Variants in PRDM12 observed in about 807,000 individuals in gnomAD.
PRDM12 encodes the protein PR domain zinc finger protein 12.
PRDM12 carries 17 observed loss-of-function variants against 29.6 expected under a neutral mutation model. The observed-to-expected ratio is 0.57, with a 90% confidence interval of 0.39 to 0.86. The LOEUF (loss-of-function observed/expected upper bound fraction) is 0.86, where lower values mean the gene tolerates loss of function less well. PRDM12 is among the 40% of genes least tolerant of loss of function. PRDM12 has a pLI of 0.00. For synonymous variants in PRDM12, 231 were observed against 225.8 expected (o/e 1.02, Z -0.21); for missense variants, 422 against 510.8 (o/e 0.83, Z 1.68).
intron 3 of PRDM12, among the ~76,000 whole-genome samples, chr9:130,678,166 G>A (rs564895835): frequency 1.3e-5 from 2 of 152,082 alleles, no homozygotes; most frequent in South Asian, 4.2e-4. Context: ...CTGCAGCCCT[G>A]GGGGCTGGCT....
In PRDM12 at chr9:130,666,603, C is replaced by CGCAGAAGT; in HGVS notation, c.227_234dup. The stretch of plus-strand genomic sequence containing the variant: ...TGACCGGTTTTCCTGGCCCCGCCGC[C>CGCAGAAGT]GCAGAAGTGCAGAAGCTGTCCAGCC... On this transcript the variant is annotated splice_region_variant and splice_polypyrimidine_tract_variant and intron_variant, in intron 1 of 4. Transcript: ENST00000253008. 6.3e-7 allele frequency: 1 copy of CGCAGAAGT among 1,599,568 alleles called. No homozygotes were observed. The highest frequency in any genetic ancestry group is 2.3e-5 in the East Asian group (1 of 43,342).
chr9:130,677,845 G>C (rs1830857315), intron 3 of PRDM12, among the ~76,000 whole-genome samples: 1 of 152,216 alleles, frequency 6.6e-6, no homozygotes, highest in African/African-American at 2.4e-5. Flanking sequence ...GAGAGCATCA[G>C]AGCCCCAACA....
Position 130,682,881 on chromosome 9 carries a change from A to G in PRDM12, c.*1212A>G, listed in dbSNP as rs1830919560. ...CTTGTAAATATTTATCTAAAATGAT[A>G]TTTACAAAACTGTAATATATTATTA... On this transcript the variant is annotated 3_prime_UTR_variant, in exon 5 of 5. Coordinates refer to ENST00000253008, the MANE Select transcript of PRDM12 (RefSeq NM_021619.3). This position sits in a 1 kb window ranked among gnomAD's most constrained non-coding sequence, Gnocchi z 4.2. 6.5e-6 allele frequency: 1 copy of G among 152,688 alleles called. No homozygotes were observed. The highest frequency in any genetic ancestry group is 2.1e-4 in the South Asian group (1 of 4,834). The allele number at this position is 152,688 out of a possible 1,614,324, so 9.5% of individuals were successfully genotyped here.
rs1830914257 is a variant in PRDM12 at position 130,682,302 on chromosome 9, A to T, written c.*633A>T. Reference sequence around the variant, plus strand: ...GCCCTTCTCTCCTTTAGGCCAGCTTACCCCCAAACCTGGCTCCTGGGGACG... The same window carrying T: ...GCCCTTCTCTCCTTTAGGCCAGCTTTCCCCCAAACCTGGCTCCTGGGGACG... On this transcript the variant is annotated 3_prime_UTR_variant, in exon 5 of 5. Coordinates refer to ENST00000253008, the MANE Select transcript of PRDM12 (RefSeq NM_021619.3). This position sits in a 1 kb window ranked among gnomAD's most constrained non-coding sequence, Gnocchi z 4.2. 6.6e-6 allele frequency: 1 copy of T among 152,146 alleles called. No individual in the cohort carries two copies. The highest frequency in any genetic ancestry group is 1.5e-5 in the Non-Finnish European group (1 of 68,122). 9.4% of individuals were successfully genotyped at this position (152,146 alleles called of 1,614,324 possible).
Position 130,668,090 on chromosome 9 carries a change from A to C in PRDM12, c.415-68A>C. 6.5e-7 allele frequency: 1 copy of C among 1,545,910 alleles called. No individual in the cohort carries two copies. Among genetic ancestry groups the C allele is most frequent in the East Asian group, 2.3e-5 (1 of 44,148 alleles). Reference sequence around the variant, plus strand: ...GTGAGGATGGAGAGTGTGTGTGTGGATGTGCCTGGAAGATGGTACACATGG... The same window carrying C: ...GTGAGGATGGAGAGTGTGTGTGTGGCTGTGCCTGGAAGATGGTACACATGG... On this transcript the variant is annotated intron_variant, in intron 2 of 4. Coordinates refer to ENST00000253008, the MANE Select transcript of PRDM12 (RefSeq NM_021619.3). The surrounding 1 kb of genome is among the most constrained non-coding windows in gnomAD (Gnocchi z 4.0).
At chr9:130,676,935 G>T (rs562092638) in intron 3 of PRDM12, among the ~76,000 whole-genome samples, 35 of 151,708 alleles carry the variant, frequency 2.3e-4, no homozygotes, top group African/African-American at 7.3e-4. Flanking sequence ...TTGAGACAGG[G>T]TCTTGCTCTG....
chr9:130,664,921 A>C lies in PRDM12; in HGVS notation c.223+45A>C. On this transcript the variant is annotated intron_variant, in intron 1 of 4. Transcript: ENST00000253008. The surrounding 1 kb of genome is among the most constrained non-coding windows in gnomAD (Gnocchi z 6.4). ...CCCGGCGCAATCCCTCCTCCCGGCGACCCCCATTCCCGTCCTGGCGATGCG... is the reference window on the plus strand; with the variant it reads ...CCCGGCGCAATCCCTCCTCCCGGCGCCCCCCATTCCCGTCCTGGCGATGCG... 3 of 1,471,524 alleles carry C rather than the reference A, an allele frequency of 2.0e-6. No homozygotes were observed. Among genetic ancestry groups the C allele is most frequent in the Non-Finnish European group, 2.7e-6 (3 of 1,102,874 alleles). 91.2% of individuals were successfully genotyped at this position (1,471,524 alleles called of 1,614,324 possible).
Position 130,668,405 on chromosome 9 carries a change from T to TGGACAGAG in PRDM12, c.570+95_570+102dup. On this transcript the variant is annotated intron_variant, in intron 3 of 4. Transcript: ENST00000253008. The surrounding 1 kb of genome is among the most constrained non-coding windows in gnomAD (Gnocchi z 4.0). The stretch of plus-strand genomic sequence containing the variant: ...GGGCAGCGGTGTCCAGGAACCACAG[T>TGGACAGAG]GGACAGAGGGGAGCTGACACTGGCC... 6 of 1,570,438 alleles carry TGGACAGAG rather than the reference T, an allele frequency of 3.8e-6. No individual in the cohort carries two copies. Among genetic ancestry groups the TGGACAGAG allele is most frequent in the Non-Finnish European group, 5.2e-6 (6 of 1,151,830 alleles).
intron 3 of PRDM12, among the ~76,000 whole-genome samples, chr9:130,672,942 A>G (rs1322376357): frequency 6.6e-6 from 1 of 152,224 alleles, no homozygotes; most frequent in Non-Finnish European, 1.5e-5. Context: ...TTCTGGGCTG[A>G]TAGGGCCCAG....
chr9:130,669,045 T>C (rs1435084966), intron 3 of PRDM12, among the ~76,000 whole-genome samples: 1 of 152,170 alleles, frequency 6.6e-6, no homozygotes, highest in African/African-American at 2.4e-5. Flanking sequence ...ACACGGTGGC[T>C]TATGCCTGTA....
At chr9:130,671,115 T>C (rs546499259) in intron 3 of PRDM12, among the ~76,000 whole-genome samples, 27 of 152,148 alleles carry the variant, frequency 1.8e-4, no homozygotes, top group South Asian at 8.3e-4. Flanking sequence ...GAGGATGAAG[T>C]GGATGAATCA....
chr9:130,678,749 T>C, intron 4 of PRDM12, 109 bp downstream of exon 4: 2 of 867,664 alleles, frequency 2.3e-6, no homozygotes, highest in Non-Finnish European at 3.6e-6. Flanking sequence ...TCCAGGGACC[T>C]TGGTTCAATG....
rs1472122498 is a variant in PRDM12 at position 130,668,967 on chromosome 9, G to A, written c.570+654G>A. On this transcript the variant is annotated intron_variant, in intron 3 of 4. Coordinates refer to ENST00000253008, the MANE Select transcript of PRDM12 (RefSeq NM_021619.3). This position sits in a 1 kb window ranked among gnomAD's most constrained non-coding sequence, Gnocchi z 4.0. ...GTTTTGCCGGCCATCTGGGGGGAGT[G>A]TTAGCACTAATAGCTGCGCTTCCTG... Among the ~76,000 whole-genome samples the A allele has an allele frequency of 6.6e-6, 1 of 152,300 alleles. No homozygotes were observed. The highest frequency in any genetic ancestry group is 6.5e-5 in the Admixed American group (1 of 15,292).
Position 130,668,706 on chromosome 9 carries a change from T to C in PRDM12, c.570+393T>C, listed in dbSNP as rs145111202. Among the ~76,000 whole-genome samples the C allele has an allele frequency of 3.9e-4, 60 of 152,140 alleles. 1 individual carries two copies. In the East Asian group the frequency reaches 0.011, roughly 28 times the overall value. On this transcript the variant is annotated intron_variant, in intron 3 of 4. Coordinates refer to ENST00000253008, the MANE Select transcript of PRDM12 (RefSeq NM_021619.3). This position sits in a 1 kb window ranked among gnomAD's most constrained non-coding sequence, Gnocchi z 4.0. ...ATGCGTTGGGGTGGGAGAGAGGGCGTGTGTCTGCAGCCGTTTAGCTGTCTG... is the reference window on the plus strand; with the variant it reads ...ATGCGTTGGGGTGGGAGAGAGGGCGCGTGTCTGCAGCCGTTTAGCTGTCTG...
At chr9:130,674,492 T>TTGTGTGTGTGTGTGTGTG (rs58489448) in intron 3 of PRDM12, among the ~76,000 whole-genome samples, 5 of 142,896 alleles carry the variant, frequency 3.5e-5, no homozygotes, top group East Asian at 2.2e-4. Context: ...AAAAGATAAT[T>TTGTGTGTGTGTGTGTGTG]TGTGTGTGTG....
chr9:130,673,662 A>ATT (rs35312514), intron 3 of PRDM12, among the ~76,000 whole-genome samples: 16 of 86,284 alleles, frequency 1.9e-4, no homozygotes, highest in Non-Finnish European at 3.0e-4. Flanking sequence ...CTCACGGCTA[A>ATT]TTTTTTTTTT....
Position 130,681,370 on chromosome 9 carries a change from A to G in PRDM12, c.805A>G (p.Lys269Glu). 1 of 1,590,676 alleles carries G rather than the reference A, an allele frequency of 6.3e-7. No individual in the cohort carries two copies. The highest frequency in any genetic ancestry group is 8.5e-7 in the Non-Finnish European group (1 of 1,170,002). Residue 269 changes from lysine (K) to glutamate (E), a missense_variant, in exon 5 of 5, where the codon AAG becomes GAG. Lys to Glu is a moderately conservative substitution (Grantham distance 56, BLOSUM62 1). Transcript: ENST00000253008. The surrounding 1 kb of genome is among the most constrained non-coding windows in gnomAD (Gnocchi z 8.1). Reference protein sequence around the residue: ...RSHMRIHTLDKPFVCRFCNRR... With the variant: ...RSHMRIHTLDEPFVCRFCNRR... ...GCACATGCGCATCCACACGCTGGAC[A>G]AGCCCTTCGTGTGCCGCTTCTGCAA...
chr9:130,668,858 G>A lies in PRDM12; in HGVS notation c.570+545G>A, dbSNP rs1354247102. On this transcript the variant is annotated intron_variant, in intron 3 of 4. Transcript: ENST00000253008. This position sits in a 1 kb window ranked among gnomAD's most constrained non-coding sequence, Gnocchi z 4.0. ...ATGCAGTATGGTATTTAATCCCCAC[G>A]GGGCCCCAGGAGGAGGATTCTGTGA... 9.2e-5 allele frequency among the ~76,000 whole-genome samples: 14 copies of A among 152,106 alleles called. No individual in the cohort carries two copies. The highest frequency in any genetic ancestry group is 1.9e-4 in the East Asian group (1 of 5,186).
Position 130,668,806 on chromosome 9 carries a change from G to A in PRDM12, c.570+493G>A, listed in dbSNP as rs1830759330. On this transcript the variant is annotated intron_variant, in intron 3 of 4. Coordinates refer to ENST00000253008, the MANE Select transcript of PRDM12 (RefSeq NM_021619.3). This position sits in a 1 kb window ranked among gnomAD's most constrained non-coding sequence, Gnocchi z 4.0. The stretch of plus-strand genomic sequence containing the variant: ...TCCAGACTCAGCGATGGCTCCCCGT[G>A]TGTCAGGCTTCTCCCAGATGCTGGA... Among the ~76,000 whole-genome samples, 2 of 152,132 alleles carry A rather than the reference G, an allele frequency of 1.3e-5. No individual in the cohort carries two copies. Among genetic ancestry groups the A allele is most frequent in the South Asian group, 4.1e-4 (2 of 4,820 alleles).
Sources: allele counts gnomAD v4.1 joint callset (sites outside exome capture counted in the v4.1 genomes callset), GRCh38; gene constraint gnomAD v4.1.1; non-coding constraint Gnocchi (gnomAD v3.1); transcripts MANE v1.5; gene names NCBI Gene and HGNC (gene_info 2026-07-23, HGNC 2026-07-21).